ITPK1: variants seen among roughly 807,000 people sequenced by gnomAD.
The protein encoded by ITPK1 is inositol 1,3,4-trisphosphate 5/6-kinase.
A neutral mutation model predicts 45.3 loss-of-function variants in ITPK1; 21 were observed. The observed-to-expected ratio is 0.46, with a 90% CI of 0.33 to 0.67. ITPK1 has a LOEUF of 0.67. Among genes scored for constraint, ITPK1 ranks in the 30% least tolerant of loss-of-function variants. ITPK1 has a pLI of 0.02. For synonymous variants in ITPK1, 258 were observed against 253.6 expected (o/e 1.02, Z -0.16); for missense variants, 474 against 573.5 (o/e 0.83, Z 1.77).
At chr14:93,082,568 G>A (rs1411736214) in intron 2 of ITPK1, among the ~76,000 whole-genome samples, 1 of 152,232 alleles carries the variant, frequency 6.6e-6, no homozygotes, top group East Asian at 1.9e-4. Flanking sequence ...GCCAGGGATG[G>A]GGGTCTTGTG....
intron 2 of ITPK1, among the ~76,000 whole-genome samples, chr14:93,101,009 G>C (rs1390658557): frequency 6.6e-6 from 1 of 152,172 alleles, no homozygotes; most frequent in Non-Finnish European, 1.5e-5. Context: ...TCCCAGGAGA[G>C]CATCCCAAAT....
At chr14:92,957,967 C>A (rs547449080) in intron 8 of ITPK1, among the ~76,000 whole-genome samples, 1 of 152,200 alleles carries the variant, frequency 6.6e-6, no homozygotes, top group Non-Finnish European at 1.5e-5. Context: ...CTGGAGTCTA[C>A]GGTGGTTCAG....
chr14:93,032,088 G>A lies in ITPK1; in HGVS notation c.121-15287C>T, dbSNP rs564048620. Among the ~76,000 whole-genome samples the A allele has an allele frequency of 6.8e-4, 103 of 152,228 alleles. No homozygotes were observed. The highest frequency in any genetic ancestry group is 2.3e-3 in the African/African-American group (95 of 41,510). Reference sequence around the variant, plus strand: ...AAAGCAGCCGGGTGCAGTGGCTCACGCCTGTCATCCCAGCACTTTAGGAGG... The same window carrying A: ...AAAGCAGCCGGGTGCAGTGGCTCACACCTGTCATCCCAGCACTTTAGGAGG... On this transcript the variant is annotated intron_variant, in intron 3 of 10. Coordinates refer to ENST00000267615, the MANE Select transcript of ITPK1 (RefSeq NM_014216.6). The surrounding 1 kb of genome is among the most constrained non-coding windows in gnomAD (Gnocchi z 4.0).
chr14:92,951,647 G>A (rs1887958070), intron 9 of ITPK1, among the ~76,000 whole-genome samples: 1 of 152,182 alleles, frequency 6.6e-6, no homozygotes, highest in Non-Finnish European at 1.5e-5. Flanking sequence ...GCTGGGAGAA[G>A]GGTCAGCACA....
In ITPK1 at chr14:92,938,796, TG is replaced by T; in HGVS notation, c.*2764del. 1.7e-6 allele frequency: 1 copy of T among 581,354 alleles called. No homozygotes were observed. Among genetic ancestry groups the T allele is most frequent in the East Asian group, 2.9e-5 (1 of 34,912 alleles). 36.0% of individuals were successfully genotyped at this position (581,354 alleles called of 1,614,324 possible). Reference sequence around the variant, plus strand: ...GGACACCCAGCAGCTGGCACTCAGTTGGGGGGTTATGTTTGCAGAATCACAT... The same window carrying T: ...GGACACCCAGCAGCTGGCACTCAGTTGGGGGTTATGTTTGCAGAATCACAT... On this transcript the variant is annotated 3_prime_UTR_variant, in exon 11 of 11. Coordinates refer to ENST00000267615, the MANE Select transcript of ITPK1 (RefSeq NM_014216.6).
intron 2 of ITPK1, among the ~76,000 whole-genome samples, chr14:93,098,794 T>A (rs1892192531): frequency 6.6e-6 from 1 of 152,146 alleles, no homozygotes; most frequent in East Asian, 1.9e-4. Flanking sequence ...CAGAACGGCT[T>A]CCCTTCCCGA....
intron 2 of ITPK1, among the ~76,000 whole-genome samples, chr14:93,100,547 A>AGAGAGAGG (rs1892270718): frequency 1.3e-5 from 2 of 148,760 alleles, no homozygotes; most frequent in African/African-American, 4.9e-5. Context: ...GGAGAGAGAG[A>AGAGAGAGG]GAGAGAGAGA....
intron 3 of ITPK1, among the ~76,000 whole-genome samples, chr14:93,039,924 C>A (rs992147675): frequency 1.3e-5 from 2 of 152,206 alleles, no homozygotes; most frequent in East Asian, 3.9e-4. Context: ...GTCCTCCCCA[C>A]AGGGCCTCCT....
chr14:92,994,328 C>G (rs984897290), intron 4 of ITPK1, among the ~76,000 whole-genome samples: 1 of 152,206 alleles, frequency 6.6e-6, no homozygotes, highest in Non-Finnish European at 1.5e-5. Context: ...GTGGCGGCCC[C>G]ATGCCCCGCA....
intron 3 of ITPK1, among the ~76,000 whole-genome samples, chr14:93,041,211 G>C (rs1354783687): frequency 6.6e-6 from 1 of 152,174 alleles, no homozygotes; most frequent in Non-Finnish European, 1.5e-5. Flanking sequence ...TATAAGGCAA[G>C]GGCCAGGCTT....
chr14:93,011,237 T>G (rs1887887976), intron 4 of ITPK1, among the ~76,000 whole-genome samples: 1 of 152,172 alleles, frequency 6.6e-6, no homozygotes, highest in Admixed American at 6.5e-5. Context: ...GCTGCAAAGC[T>G]GTAGTTAACC....
chr14:93,014,790 G>A lies in ITPK1; in HGVS notation c.246+1886C>T, dbSNP rs1008287492. ...GGAATCATTGAACCTTACAGCTCAT[G>A]GGAGCAAGTGGGTCAACCGCCATGA... On this transcript the variant is annotated intron_variant, in intron 4 of 10. Coordinates refer to ENST00000267615, the MANE Select transcript of ITPK1 (RefSeq NM_014216.6). This position sits in a 1 kb window ranked among gnomAD's most constrained non-coding sequence, Gnocchi z 4.4. 3.2e-4 allele frequency among the ~76,000 whole-genome samples: 49 copies of A among 152,254 alleles called. 2 individuals carry two copies.
intron 2 of ITPK1, among the ~76,000 whole-genome samples, chr14:93,083,915 A>C (rs1891546025): frequency 6.6e-6 from 1 of 152,122 alleles, no homozygotes; most frequent in Non-Finnish European, 1.5e-5. Context: ...ACTCCATTGC[A>C]CTGACCCCAC....
chr14:93,089,661 G>T (rs554372704), intron 2 of ITPK1, among the ~76,000 whole-genome samples: 1 of 152,304 alleles, frequency 6.6e-6, no homozygotes, highest in East Asian at 1.9e-4. Flanking sequence ...TATGTCAGCT[G>T]GGTCTCTGGA....
chr14:93,020,600 C>A (rs1429537843), intron 3 of ITPK1, among the ~76,000 whole-genome samples: 1 of 152,222 alleles, frequency 6.6e-6, no homozygotes, highest in Non-Finnish European at 1.5e-5. Context: ...TTGCACGTCG[C>A]TCCAGGATTG....
At chr14:93,046,500 G>C (rs1174526516) in intron 3 of ITPK1, among the ~76,000 whole-genome samples, 1 of 151,216 alleles carries the variant, frequency 6.6e-6, no homozygotes, top group Non-Finnish European at 1.5e-5. Context: ...GATTGGGCAG[G>C]ACGCAATTTA....
intron 3 of ITPK1, among the ~76,000 whole-genome samples, chr14:93,045,883 A>G (rs1362978549): frequency 6.6e-6 from 1 of 152,102 alleles, no homozygotes; most frequent in Non-Finnish European, 1.5e-5. Flanking sequence ...GCAACTACCT[A>G]AAAACCTTCA....
At chr14:92,976,055 C>T (rs986002045) in intron 5 of ITPK1, among the ~76,000 whole-genome samples, 2 of 152,188 alleles carry the variant, frequency 1.3e-5, no homozygotes, top group Non-Finnish European at 2.9e-5. Context: ...TGTAAGTTTC[C>T]TAAGGCCTCC....
At chr14:93,082,893 C>A (rs912702609) in intron 2 of ITPK1, among the ~76,000 whole-genome samples, 5 of 152,226 alleles carry the variant, frequency 3.3e-5, no homozygotes. Flanking sequence ...AGGGCAAATT[C>A]CCCGGCCAGA....
Sources: allele counts gnomAD v4.1 joint callset (sites outside exome capture counted in the v4.1 genomes callset), GRCh38; gene constraint gnomAD v4.1.1; non-coding constraint Gnocchi (gnomAD v3.1); transcripts MANE v1.5; gene names NCBI Gene and HGNC (gene_info 2026-07-23, HGNC 2026-07-21).